Variants in KLRD1 observed in about 807,000 individuals in gnomAD.
KLRD1 encodes the protein killer cell lectin like receptor D1.
KLRD1 carries 21 observed loss-of-function variants against 22.6 expected under a neutral mutation model. The observed-to-expected ratio is 0.93, with a 90% CI of 0.66 to 1.34. The LOEUF (loss-of-function observed/expected upper bound fraction) is 1.34, where lower values mean the gene tolerates loss of function less well. Among genes scored for constraint, KLRD1 ranks in the 40% most tolerant of loss-of-function variants. The pLI, the probability that KLRD1 is intolerant of heterozygous loss-of-function variation, is 0.00. For missense variants in KLRD1, 183 were observed against 208.6 expected (o/e 0.88, Z 0.76); for synonymous variants, 59 against 71.1 (o/e 0.83, Z 0.85).
At chr12:10,280,594 A>G (rs1209290085) in intron 1 of KLRD1, among the ~76,000 whole-genome samples, 1 of 152,090 alleles carries the variant, frequency 6.6e-6, no homozygotes, top group Non-Finnish European at 1.5e-5. Context: ...CATTTCCAGG[A>G]CCTGAAAATG....
intron 1 of KLRD1, among the ~76,000 whole-genome samples, chr12:10,285,775 T>G (rs1949695886): frequency 6.6e-6 from 1 of 152,216 alleles, no homozygotes; most frequent in Non-Finnish European, 1.5e-5. Context: ...TGTGATTGAC[T>G]CTTTCCTATT....
At chr12:10,281,406 G>A (rs979010361) in intron 1 of KLRD1, among the ~76,000 whole-genome samples, 1 of 152,138 alleles carries the variant, frequency 6.6e-6, no homozygotes, top group African/African-American at 2.4e-5. Flanking sequence ...AGCAGCAATA[G>A]TATACTAAGA....
chr12:10,293,169 C>CATATATATATATATATAT (rs1565462121), intron 1 of KLRD1, among the ~76,000 whole-genome samples: 2 of 19,666 alleles, frequency 1.0e-4, no homozygotes, highest in Non-Finnish European at 2.9e-4. Flanking sequence ...TATATATATA[C>CATATATATATATATATAT]ACATATACAC....
At chr12:10,289,668 G>A (rs1261762090) in intron 1 of KLRD1, among the ~76,000 whole-genome samples, 1 of 152,112 alleles carries the variant, frequency 6.6e-6, no homozygotes, top group African/African-American at 2.4e-5. Flanking sequence ...TTGTTTATTT[G>A]CTTATTTCTT....
rs1272361597 is a variant in KLRD1, at chr12:10,328,174, A to G, written c.*13381A>G. The G allele has an allele frequency of 6.6e-6, 1 of 152,166 alleles. No homozygotes were observed. Among genetic ancestry groups the G allele is most frequent in the African/African-American group, 2.4e-5 (1 of 41,444 alleles). 9.4% of individuals were successfully genotyped at this position (152,166 alleles called of 1,614,324 possible). On this transcript the variant is annotated 3_prime_UTR_variant, in exon 6 of 6. Coordinates refer to ENST00000336164, the MANE Select transcript of KLRD1 (RefSeq NM_002262.5). Reference sequence around the variant, plus strand: ...GTAATGGTAATGCTGGCCACATAAAATTAGTTTGAAAGTATTTATTCTTTT... The same window carrying G: ...GTAATGGTAATGCTGGCCACATAAAGTTAGTTTGAAAGTATTTATTCTTTT...
intron 1 of KLRD1, among the ~76,000 whole-genome samples, chr12:10,245,111 AC>A (rs1201067734): frequency 1.3e-5 from 2 of 152,142 alleles, no homozygotes; most frequent in East Asian, 3.9e-4. Context: ...TAATCCCAGC[AC>A]TTTGGGAGGC....
chr12:10,273,738 A>C (rs868621340), intron 1 of KLRD1, among the ~76,000 whole-genome samples: 8 of 151,918 alleles, frequency 5.3e-5, no homozygotes, highest in African/African-American at 1.9e-4. Context: ...TAAATTCTAG[A>C]GTGAGTAGTA....
At chr12:10,240,991 C>T (rs1949236411) in intron 1 of KLRD1, among the ~76,000 whole-genome samples, 1 of 152,058 alleles carries the variant, frequency 6.6e-6, no homozygotes, top group South Asian at 2.1e-4. Flanking sequence ...GTATTGGTAG[C>T]AAGGTAGATA....
intron 5 of KLRD1, among the ~76,000 whole-genome samples, chr12:10,314,118 C>T (rs1005034346): frequency 9.9e-5 from 15 of 152,076 alleles, no homozygotes; most frequent in Non-Finnish European, 1.9e-4. Flanking sequence ...TGCCTTAGTA[C>T]CAGCACTTGG....
intron 1 of KLRD1, among the ~76,000 whole-genome samples, chr12:10,288,424 G>A (rs573354391): frequency 3.3e-5 from 5 of 152,056 alleles, no homozygotes; most frequent in South Asian, 2.1e-4. Context: ...CAGCACAATC[G>A]AGGCAAAATA....
upstream of KLRD1, among the ~76,000 whole-genome samples, chr12:10,306,369 G>C (rs1949928569): frequency 6.6e-6 from 1 of 151,844 alleles, no homozygotes; most frequent in Admixed American, 6.6e-5. Flanking sequence ...AGTGAACTAA[G>C]ATGAAAAAAA....
intron 1 of KLRD1, among the ~76,000 whole-genome samples, chr12:10,249,317 TG>T (rs1467668246): frequency 2.6e-5 from 4 of 152,128 alleles, no homozygotes; most frequent in African/African-American, 9.7e-5. Context: ...ATAGTAAAAC[TG>T]CACCAAAGGA....
chr12:10,281,248 C>G (rs759711630), intron 1 of KLRD1, among the ~76,000 whole-genome samples: 32 of 152,142 alleles, frequency 2.1e-4, no homozygotes, highest in Admixed American at 3.3e-4. Flanking sequence ...CGCTGGCAGA[C>G]ATGAGAAGCT....
intron 1 of KLRD1, among the ~76,000 whole-genome samples, chr12:10,291,586 G>A (rs1949770483): frequency 6.7e-6 from 1 of 149,332 alleles, no homozygotes; most frequent in Non-Finnish European, 1.5e-5. Flanking sequence ...TGAAAGCTCT[G>A]TCACAAGATT....
intron 1 of KLRD1, among the ~76,000 whole-genome samples, chr12:10,294,422 G>A (rs1007444953): frequency 7.9e-5 from 12 of 152,190 alleles, no homozygotes; most frequent in African/African-American, 2.6e-4. Context: ...TTTTTGAGAA[G>A]GAGTCTCACT....
chr12:10,271,382 C>T (rs1592045271), intron 1 of KLRD1, among the ~76,000 whole-genome samples: 1 of 152,168 alleles, frequency 6.6e-6, no homozygotes, highest in Non-Finnish European at 1.5e-5. Flanking sequence ...TCGTGGCCAT[C>T]GCCGCCTGGT....
rs755827000 is a variant in KLRD1 at position 10,309,445 on chromosome 12, C to T, written c.65C>T (p.Ser22Leu). Residue 22 changes from serine (S) to leucine (L), a missense_variant, in exon 2 of 6, where the codon TCG becomes TTG. Ser to Leu is a moderately radical substitution (Grantham distance 145). Coordinates refer to ENST00000336164, the MANE Select transcript of KLRD1 (RefSeq NM_002262.5). ...ISGTLGIICLSLMSTLGILLK... is the reference protein window; with the variant it reads ...ISGTLGIICLLLMSTLGILLK... Reference sequence around the variant, plus strand: ...GGGACCTTAGGGATAATATGCCTTTCGTTGATGTCTACGTTGGGAATTTTG... The same window carrying T: ...GGGACCTTAGGGATAATATGCCTTTTGTTGATGTCTACGTTGGGAATTTTG... 38 of 1,552,948 alleles carry T rather than the reference C, an allele frequency of 2.4e-5. No individual in the cohort carries two copies. Among genetic ancestry groups the T allele is most frequent in the Middle Eastern group, 3.4e-4 (2 of 5,964 alleles).
In KLRD1 at chr12:10,327,825, A is replaced by C. The variant is rs1157617470; in HGVS notation, c.*13032A>C. ...ACATATAGGGCCTTCAAAATGTTGA[A>C]ATATTTTTCTCAAATTCTAGGTTGG... On this transcript the variant is annotated 3_prime_UTR_variant, in exon 6 of 6. Coordinates refer to ENST00000336164, the MANE Select transcript of KLRD1 (RefSeq NM_002262.5). 6.6e-6 allele frequency: 1 copy of C among 152,178 alleles called. No individual in the cohort carries two copies. The highest frequency in any genetic ancestry group is 1.9e-4 in the East Asian group (1 of 5,198). 9.4% of individuals were successfully genotyped at this position (152,178 alleles called of 1,614,324 possible).
At chr12:10,286,126 A>G (rs1260365657) in intron 1 of KLRD1, among the ~76,000 whole-genome samples, 1 of 152,174 alleles carries the variant, frequency 6.6e-6, no homozygotes, top group African/African-American at 2.4e-5. Context: ...TATTTTAGGC[A>G]GCAGCAACTC....
Sources: gnomAD v4.1 joint callset for allele counts (sites outside exome capture counted in the v4.1 genomes callset) on GRCh38, gnomAD v4.1.1 for gene constraint, MANE v1.5 for transcripts, NCBI Gene and HGNC (gene_info 2026-07-23, HGNC 2026-07-21) for gene names.